Variants in GRID2 observed in about 807,000 individuals in gnomAD.
GRID2 encodes the protein glutamate receptor ionotropic, delta-2.
Under a neutral mutation model 114.8 loss-of-function variants are expected in GRID2, and 33 were observed. The observed-to-expected ratio is 0.29, with a 90% CI of 0.22 to 0.38. The LOEUF (loss-of-function observed/expected upper bound fraction) is 0.38. GRID2 is among the 10% of genes least tolerant of loss of function. The probability of loss-of-function intolerance (pLI) is 1.00; values close to 1 mark genes in which losing one functional copy is unlikely to be tolerated. For missense variants in GRID2, 1,184 were observed against 1,257.7 expected (o/e 0.94, Z 0.89); for synonymous variants, 505 against 449.9 (o/e 1.12, Z -1.55).
intron 2 of GRID2, among the ~76,000 whole-genome samples, chr4:92,626,806 G>C (rs1730546689): frequency 6.6e-6 from 1 of 152,054 alleles, no homozygotes; most frequent in Admixed American, 6.6e-5. Flanking sequence ...AAGGGACCAT[G>C]GGTGAGAGAC....
intron 8 of GRID2, among the ~76,000 whole-genome samples, chr4:93,308,543 T>C (rs1344858548): frequency 6.6e-6 from 1 of 152,074 alleles, no homozygotes; most frequent in Non-Finnish European, 1.5e-5. Context: ...GCTTACTTAA[T>C]GAAAGCAAGG....
chr4:92,645,248 G>T (rs991053197), intron 2 of GRID2, among the ~76,000 whole-genome samples: 4 of 151,414 alleles, frequency 2.6e-5, no homozygotes, highest in Admixed American at 1.3e-4. Flanking sequence ...CTTTTTCCTT[G>T]GAATGTGTTT....
intron 14 of GRID2, among the ~76,000 whole-genome samples, chr4:93,644,315 T>A (rs1409981555): frequency 2.1e-5 from 1 of 48,018 alleles, no homozygotes; most frequent in East Asian, 2.6e-4. Flanking sequence ...GCTGTTCCTA[T>A]TCGGCCATCT....
chr4:92,305,424 C>G (rs983191456), intron 1 of GRID2, among the ~76,000 whole-genome samples: 5 of 152,178 alleles, frequency 3.3e-5, no homozygotes, highest in Non-Finnish European at 7.4e-5. Context: ...CTCCCGGGGC[C>G]TGGCGCGGCG....
At chr4:93,378,753 T>C (rs913202734) in intron 8 of GRID2, among the ~76,000 whole-genome samples, 1 of 152,136 alleles carries the variant, frequency 6.6e-6, no homozygotes, top group African/African-American at 2.4e-5. Context: ...TCTGAATCTA[T>C]GTCTTTATTA....
At chr4:93,174,019 A>G (rs1275496015) in intron 4 of GRID2, among the ~76,000 whole-genome samples, 3 of 152,190 alleles carry the variant, frequency 2.0e-5, no homozygotes, top group Admixed American at 6.5e-5. Flanking sequence ...GTAATCAAGT[A>G]TACCCTTCCC....
At chr4:92,942,515 C>G (rs1416396650) in intron 2 of GRID2, among the ~76,000 whole-genome samples, 1 of 152,136 alleles carries the variant, frequency 6.6e-6, no homozygotes, top group East Asian at 1.9e-4. Flanking sequence ...GGTCTTGACT[C>G]TTTATCCAAT....
intron 8 of GRID2, among the ~76,000 whole-genome samples, chr4:93,364,323 T>TA (rs1762142549): frequency 6.6e-6 from 1 of 152,224 alleles, no homozygotes; most frequent in Admixed American, 6.5e-5. Flanking sequence ...TAGGCTTTTT[T>TA]AAAAAAATCA....
At chr4:92,830,581 T>A (rs997594759) in intron 2 of GRID2, among the ~76,000 whole-genome samples, 9 of 152,170 alleles carry the variant, frequency 5.9e-5, no homozygotes, top group East Asian at 1.9e-4. Flanking sequence ...CAAAACACAT[T>A]TTTTATTTCT....
At chr4:93,309,004 C>T (rs970358235) in intron 8 of GRID2, among the ~76,000 whole-genome samples, 1 of 152,204 alleles carries the variant, frequency 6.6e-6, no homozygotes, top group Non-Finnish European at 1.5e-5. Flanking sequence ...CTCCTCCATA[C>T]ATAGACACCT....
At chr4:93,047,191 G>A (rs999683634) in intron 2 of GRID2, among the ~76,000 whole-genome samples, 1 of 152,062 alleles carries the variant, frequency 6.6e-6, no homozygotes, top group African/African-American at 2.4e-5. Context: ...TAAGGAATGT[G>A]TGGGAAACTG....
chr4:92,699,291 C>G (rs922840315), intron 2 of GRID2, among the ~76,000 whole-genome samples: 6 of 152,086 alleles, frequency 3.9e-5, no homozygotes, highest in Non-Finnish European at 8.8e-5. Context: ...ACTGATAATG[C>G]TATAATGATA....
intron 1 of GRID2, among the ~76,000 whole-genome samples, chr4:92,504,397 G>C (rs1250648055): frequency 6.6e-6 from 1 of 151,914 alleles, no homozygotes; most frequent in Non-Finnish European, 1.5e-5. Context: ...TAGGATTCAG[G>C]GTGGTGGTGA....
intron 1 of GRID2, among the ~76,000 whole-genome samples, chr4:92,496,644 T>A (rs965531570): frequency 7.8e-4 from 118 of 151,908 alleles, no homozygotes; most frequent in African/African-American, 2.7e-3. Context: ...ATTGGAGTTT[T>A]TTTTTAGAAT....
intron 1 of GRID2, among the ~76,000 whole-genome samples, chr4:92,383,095 T>G (rs1227104930): frequency 6.6e-6 from 1 of 151,720 alleles, no homozygotes; most frequent in African/African-American, 2.4e-5. Context: ...TCTGATTGTT[T>G]TAAAACAATC....
At chr4:92,651,194 A>G (rs1467073268) in intron 2 of GRID2, among the ~76,000 whole-genome samples, 1 of 152,108 alleles carries the variant, frequency 6.6e-6, no homozygotes, top group Admixed American at 6.6e-5. Context: ...ATTGCAATAA[A>G]GATAAAACAC....
intron 14 of GRID2, among the ~76,000 whole-genome samples, chr4:93,716,198 C>T (rs1728885638): frequency 1.3e-5 from 2 of 152,088 alleles, no homozygotes; most frequent in Admixed American, 1.3e-4. Flanking sequence ...AACCTGTAGG[C>T]AGCACAGTCA....
At chr4:93,616,583 TA>T (rs1340792554) in intron 13 of GRID2, among the ~76,000 whole-genome samples, 2 of 106,116 alleles carry the variant, frequency 1.9e-5, no homozygotes, top group Admixed American at 2.1e-4. Context: ...TTTTTATAAA[TA>T]TTTATAAAAT....
At chr4:92,918,857 T>A (rs1235192058) in intron 2 of GRID2, among the ~76,000 whole-genome samples, 1 of 152,222 alleles carries the variant, frequency 6.6e-6, no homozygotes, top group African/African-American at 2.4e-5. Context: ...AGGATGATGC[T>A]GGCCTCATAA....
Sources: gnomAD v4.1 joint callset for allele counts (sites outside exome capture counted in the v4.1 genomes callset) on GRCh38, gnomAD v4.1.1 for gene constraint, MANE v1.5 for transcripts, NCBI Gene and HGNC (gene_info 2026-07-23, HGNC 2026-07-21) for gene names.